CNTNAP2: variants seen among roughly 807,000 people sequenced by gnomAD.
CNTNAP2 encodes contactin associated protein 2, also known as contactin-associated protein-like 2.
In CNTNAP2, 98 loss-of-function variants were observed where a neutral mutation model predicts 155.2. The observed-to-expected ratio is 0.63, with a 90% CI of 0.54 to 0.75. The LOEUF is 0.75. CNTNAP2 is among the 30% of genes least tolerant of loss of function. CNTNAP2 has a pLI of 0.00. For synonymous variants in CNTNAP2, 651 were observed against 631.2 expected (o/e 1.03, Z -0.47); for missense variants, 1,727 against 1,688.1 (o/e 1.02, Z -0.40).
chr7:147,844,791 GT>G (rs1563108714), intron 13 of CNTNAP2, among the ~76,000 whole-genome samples: 1 of 40,856 alleles, frequency 2.4e-5, no homozygotes. Context: ...TTTATTGAGA[GT>G]TTTTAGCATG....
chr7:147,390,439 C>T (rs700306), intron 9 of CNTNAP2, among the ~76,000 whole-genome samples: 19,635 of 152,024 alleles, frequency 0.13, 1,529 homozygotes, highest in East Asian at 0.32. Flanking sequence ...CTGGGCAGTT[C>T]TGACTTGATA....
chr7:146,596,691 C>T (rs1387990063), intron 1 of CNTNAP2, among the ~76,000 whole-genome samples: 1 of 146,468 alleles, frequency 6.8e-6, no homozygotes, highest in African/African-American at 2.5e-5. Flanking sequence ...ATCACTATAA[C>T]AGTAGTTTAG....
intron 8 of CNTNAP2, among the ~76,000 whole-genome samples, chr7:147,260,111 G>A (rs745904533): frequency 6.6e-6 from 1 of 152,174 alleles, no homozygotes; most frequent in South Asian, 2.1e-4. Flanking sequence ...GATCAAGGAC[G>A]AAGGCAAACT....
At chr7:147,223,216 A>T (rs1263945642) in intron 8 of CNTNAP2, among the ~76,000 whole-genome samples, 3 of 152,176 alleles carry the variant, frequency 2.0e-5, no homozygotes, top group African/African-American at 7.2e-5. Context: ...CAACCTGTGA[A>T]GAAGGTTCAT....
intron 1 of CNTNAP2, among the ~76,000 whole-genome samples, chr7:146,576,479 C>T (rs775986458): frequency 3.3e-5 from 5 of 152,162 alleles, no homozygotes; most frequent in African/African-American, 1.2e-4. Flanking sequence ...GTGGGGTTGG[C>T]TTTGAGCCTC....
intron 1 of CNTNAP2, among the ~76,000 whole-genome samples, chr7:146,272,239 C>A (rs377748276): frequency 1.1e-4 from 16 of 152,150 alleles, no homozygotes; most frequent in Non-Finnish European, 1.5e-4. Context: ...GGGGGAAAAT[C>A]TCCCTATAAA....
At chr7:146,479,640 A>G (rs1796930495) in intron 1 of CNTNAP2, among the ~76,000 whole-genome samples, 1 of 152,112 alleles carries the variant, frequency 6.6e-6, no homozygotes, top group Admixed American at 6.5e-5. Flanking sequence ...CTTTATAAAC[A>G]AATAATTTTA....
chr7:147,210,735 A>AGTTTC (rs1248655708), intron 8 of CNTNAP2, among the ~76,000 whole-genome samples: 1 of 151,966 alleles, frequency 6.6e-6, no homozygotes, highest in African/African-American at 2.4e-5. Context: ...AGCACTATAA[A>AGTTTC]GTTTCCTCTT....
At chr7:147,180,339 A>C (rs1802429529) in intron 8 of CNTNAP2, among the ~76,000 whole-genome samples, 1 of 152,144 alleles carries the variant, frequency 6.6e-6, no homozygotes, top group African/African-American at 2.4e-5. Context: ...ATATTTTATA[A>C]TTTTGGAAAT....
At chr7:147,884,113 T>G (rs1187751584) in intron 13 of CNTNAP2, among the ~76,000 whole-genome samples, 1 of 152,138 alleles carries the variant, frequency 6.6e-6, no homozygotes, top group Non-Finnish European at 1.5e-5. Flanking sequence ...TTGAGGATAT[T>G]AAGGAAAGAG....
intron 21 of CNTNAP2, among the ~76,000 whole-genome samples, chr7:148,301,364 T>TA (rs5888317): frequency 0.4 from 53,887 of 135,586 alleles, 11,221 homozygotes; most frequent in South Asian, 0.56. Flanking sequence ...TTTTACTGCA[T>TA]AAAAAAAAAA....
chr7:147,850,701 G>A (rs1443560175), intron 13 of CNTNAP2, among the ~76,000 whole-genome samples: 1 of 152,154 alleles, frequency 6.6e-6, no homozygotes, highest in African/African-American at 2.4e-5. Context: ...AATAGTGCTG[G>A]GAAAACTGGC....
At chr7:147,122,642 C>G (rs1488356390) in intron 6 of CNTNAP2, 5 of 152,126 alleles carry the variant, frequency 3.3e-5, no homozygotes, top group African/African-American at 9.7e-5. Flanking sequence ...CCAAAATTCA[C>G]AAAGACAGCA....
intron 1 of CNTNAP2, among the ~76,000 whole-genome samples, chr7:146,765,856 A>G (rs1802184931): frequency 6.6e-6 from 1 of 152,138 alleles, no homozygotes; most frequent in South Asian, 2.1e-4. Context: ...AACCTGGTAG[A>G]GAGAATTTTA....
chr7:147,718,658 G>T (rs1796517928), intron 13 of CNTNAP2, among the ~76,000 whole-genome samples: 1 of 152,056 alleles, frequency 6.6e-6, no homozygotes, highest in Admixed American at 6.6e-5. Context: ...TCTCAGTTTT[G>T]TATCCTGGGT....
chr7:147,652,224 G>C (rs1206849472), intron 13 of CNTNAP2, among the ~76,000 whole-genome samples: 2 of 152,134 alleles, frequency 1.3e-5, no homozygotes, highest in Non-Finnish European at 2.9e-5. Context: ...ACCAGTGGCT[G>C]GGTAAATAGT....
chr7:147,077,554 T>C (rs186249795), intron 4 of CNTNAP2, among the ~76,000 whole-genome samples: 1 of 152,338 alleles, frequency 6.6e-6, no homozygotes, highest in African/African-American at 2.4e-5. Flanking sequence ...TCCAGTCTTT[T>C]ACCACTCTTG....
At chr7:146,686,972 T>G (rs886368576) in intron 1 of CNTNAP2, among the ~76,000 whole-genome samples, 1 of 152,192 alleles carries the variant, frequency 6.6e-6, no homozygotes, top group African/African-American at 2.4e-5. Flanking sequence ...ATGATATTTC[T>G]TTAATCAATT....
At chr7:147,211,531 C>T (rs1017615221) in intron 8 of CNTNAP2, among the ~76,000 whole-genome samples, 3 of 152,030 alleles carry the variant, frequency 2.0e-5, no homozygotes, top group African/African-American at 7.2e-5. Flanking sequence ...ATAATATGGT[C>T]TTTGACAAGT....
Sources: gnomAD v4.1 joint callset for allele counts (sites outside exome capture counted in the v4.1 genomes callset) on GRCh38, gnomAD v4.1.1 for gene constraint, MANE v1.5 for transcripts, NCBI Gene and HGNC (gene_info 2026-07-23, HGNC 2026-07-21) for gene names.